PTDSS1: variants seen among roughly 807,000 people sequenced by gnomAD.
The protein encoded by PTDSS1 is phosphatidylserine synthase 1.
In PTDSS1, 45 loss-of-function variants were observed where a neutral mutation model predicts 70.5. The observed-to-expected ratio is 0.64, with a 90% CI of 0.50 to 0.82. The LOEUF is 0.82. Ranked by LOEUF, PTDSS1 falls within the 40% of genes least tolerant of loss-of-function variation. PTDSS1 has a pLI of 0.00. For missense variants in PTDSS1, 417 were observed against 586.1 expected, an observed-to-expected ratio of 0.71 and a Z score of 2.98; for synonymous variants, 188 against 203.8, an observed-to-expected ratio of 0.92 and a Z score of 0.66.
intron 2 of PTDSS1, among the ~76,000 whole-genome samples, chr8:96,277,452 A>G (rs1318957860): frequency 1.3e-5 from 2 of 152,158 alleles, no homozygotes; most frequent in African/African-American, 4.8e-5. Context: ...TGGAGTGTAC[A>G]TGCCCCTTCA....
At chr8:96,324,375 A>T (rs549030473) in intron 10 of PTDSS1, among the ~76,000 whole-genome samples, 8 of 152,278 alleles carry the variant, frequency 5.3e-5, no homozygotes, top group Admixed American at 4.6e-4. Flanking sequence ...ATTTTCAAGT[A>T]TTTGTTATAG....
intron 2 of PTDSS1, among the ~76,000 whole-genome samples, chr8:96,282,686 A>G (rs1233088044): frequency 6.6e-6 from 1 of 152,254 alleles, no homozygotes; most frequent in Non-Finnish European, 1.5e-5. Context: ...AGTAGTTAAA[A>G]TATATTTCAA....
intron 5 of PTDSS1, among the ~76,000 whole-genome samples, chr8:96,298,171 A>C (rs1811001574): frequency 6.6e-6 from 1 of 152,166 alleles, no homozygotes; most frequent in South Asian, 2.1e-4. Context: ...CAAGGGTAGT[A>C]CCAGGCCCCT....
chr8:96,329,926 A>G (rs534259313), intron 10 of PTDSS1, among the ~76,000 whole-genome samples: 1 of 152,224 alleles, frequency 6.6e-6, no homozygotes, highest in African/African-American at 2.4e-5. Context: ...CCGCAAAGCT[A>G]TCAAGAAAAT....
intron 1 of PTDSS1, among the ~76,000 whole-genome samples, chr8:96,269,902 A>G (rs1810540722): frequency 6.6e-6 from 1 of 152,240 alleles, no homozygotes; most frequent in African/African-American, 2.4e-5. Context: ...AGGGCATTCA[A>G]ACGTTGTGAA....
At position 96,333,888 on chromosome 8, in the gene PTDSS1, G is replaced by A. The variant is rs1811557512; in HGVS notation, c.*322G>A. 1 of 614,634 alleles carries A rather than the reference G, an allele frequency of 1.6e-6. No homozygotes were observed. Among genetic ancestry groups the A allele is most frequent in the Non-Finnish European group, 2.9e-6 (1 of 341,758 alleles). The allele number at this position is 614,634 out of a possible 1,614,324, so 38.1% of individuals were successfully genotyped here. On this transcript the variant is annotated 3_prime_UTR_variant, in exon 13 of 13. Coordinates refer to ENST00000517309, the MANE Select transcript of PTDSS1 (RefSeq NM_014754.3). Reference sequence around the variant, plus strand: ...AGTTGCCAAGAGCAGCTCCGCGCCTGCTGGATCGTGGATGCAGCGTAAACA... The same window carrying A: ...AGTTGCCAAGAGCAGCTCCGCGCCTACTGGATCGTGGATGCAGCGTAAACA...
intron 9 of PTDSS1, among the ~76,000 whole-genome samples, chr8:96,311,171 G>C (rs1317358358): frequency 6.6e-6 from 1 of 152,178 alleles, no homozygotes; most frequent in African/African-American, 2.4e-5. Context: ...AATATCTCAA[G>C]TAAGTTGTTT....
At chr8:96,270,134 T>A (rs1163198547) in intron 1 of PTDSS1, among the ~76,000 whole-genome samples, 1 of 152,154 alleles carries the variant, frequency 6.6e-6, no homozygotes, top group Non-Finnish European at 1.5e-5. Flanking sequence ...CTGTATGGTC[T>A]CCTGTAGGGG....
chr8:96,284,182 T>C (rs375359722), intron 3 of PTDSS1, 29 bp downstream of exon 3: 1 of 1,566,500 alleles, frequency 6.4e-7, no homozygotes, highest in African/African-American at 1.4e-5. Context: ...TGTAAAAGGA[T>C]GTTCTATTTT....
At chr8:96,317,047 GTATATATATA>G (rs376416607) in intron 9 of PTDSS1, among the ~76,000 whole-genome samples, 2 of 124,904 alleles carry the variant, frequency 1.6e-5, no homozygotes, top group Non-Finnish European at 3.4e-5. Flanking sequence ...ATATATGTGT[GTATATATATA>G]TGTGTGTGTG....
intron 9 of PTDSS1, among the ~76,000 whole-genome samples, chr8:96,314,582 G>GACA (rs1020727428): frequency 6.6e-6 from 1 of 151,880 alleles, no homozygotes; most frequent in African/African-American, 2.4e-5. Context: ...CACCTCCACT[G>GACA]ACATCTCAGA....
chr8:96,299,989 C>T, intron 6 of PTDSS1, 144 bp downstream of exon 6: 1 of 1,133,744 alleles, frequency 8.8e-7, no homozygotes, highest in South Asian at 1.8e-5. Context: ...TGATTATAAA[C>T]CTGATTTCAA....
rs34282078 is a variant in PTDSS1, at chr8:96,292,289, CAAAAAAAAAAAAA to C, written c.442-2800_442-2788del. Among the ~76,000 whole-genome samples the C allele has an allele frequency of 1.0e-4, 9 of 87,858 alleles. No individual in the cohort carries two copies. The East Asian group carries it at 3.3e-3, about 32-fold the overall frequency. The allele number at this position is 87,858 out of a possible 152,430, so 57.6% of individuals were successfully genotyped here. A position where few individuals can be genotyped will look rare whatever the true frequency, so the allele number is the denominator to read the frequency against. On this transcript the variant is annotated intron_variant, in intron 4 of 12. Transcript: ENST00000517309. ...CGCTCCAGCCTAGGCAACGCTGTCT[CAAAAAAAAAAAAA>C]AAAAAAAAGAAAAGAAACCTTATAT... is the stretch of plus-strand genomic sequence containing the variant.
intron 6 of PTDSS1, among the ~76,000 whole-genome samples, chr8:96,300,439 G>A (rs1811034948): frequency 6.6e-6 from 1 of 152,090 alleles, no homozygotes; most frequent in Non-Finnish European, 1.5e-5. Flanking sequence ...TTTCTTTGCT[G>A]ACTTAGCTCA....
intron 4 of PTDSS1, among the ~76,000 whole-genome samples, chr8:96,289,351 T>C (rs1362633573): frequency 6.6e-6 from 1 of 152,164 alleles, no homozygotes; most frequent in Admixed American, 6.5e-5. Flanking sequence ...CCCAGGAACT[T>C]ACCAAGTCAC....
intron 2 of PTDSS1, among the ~76,000 whole-genome samples, chr8:96,277,703 G>A (rs1332147243): frequency 6.6e-6 from 1 of 152,190 alleles, no homozygotes; most frequent in Admixed American, 6.5e-5. Context: ...AAAGTGGATT[G>A]TGTCCATTTG....
chr8:96,307,767 A>G (rs1811146773), intron 8 of PTDSS1, among the ~76,000 whole-genome samples: 1 of 152,232 alleles, frequency 6.6e-6, no homozygotes, highest in South Asian at 2.1e-4. Flanking sequence ...AAGAGCAATC[A>G]ATAAAGTCAG....
In PTDSS1 at chr8:96,269,245, G is replaced by T. The variant is rs142096370; in HGVS notation, c.180-4054G>T. On this transcript the variant is annotated intron_variant, in intron 1 of 12. Coordinates refer to ENST00000517309, the MANE Select transcript of PTDSS1 (RefSeq NM_014754.3). The stretch of plus-strand genomic sequence containing the variant: ...ACCTACTTCCACTCTGCCTCTATTT[G>T]TGTGTGACTGTGGGCAAGATAAACC... Among the ~76,000 whole-genome samples the T allele has an allele frequency of 3.7e-3, 556 of 152,210 alleles. 2 individuals carry two copies. The highest frequency in any genetic ancestry group is 0.013 in the African/African-American group (529 of 41,524).
At position 96,284,051 on chromosome 8, in the gene PTDSS1, A is replaced by G. The variant is rs576213005; in HGVS notation, c.272-58A>G. On this transcript the variant is annotated intron_variant, in intron 2 of 12. Transcript: ENST00000517309. The stretch of plus-strand genomic sequence containing the variant: ...CTGTATGGAGATCAGCAGCACCTTA[A>G]GTTTTAGCCTTCTCTGAAACCAGTT... 6.0e-5 allele frequency: 84 copies of G among 1,403,722 alleles called. No homozygotes were observed. In the African/African-American group the frequency reaches 8.8e-4, roughly 15 times the overall value. The allele number at this position is 1,403,722 out of a possible 1,614,324, so 87.0% of individuals were successfully genotyped here.
Sources: gnomAD v4.1 joint callset for allele counts (sites outside exome capture counted in the v4.1 genomes callset) on GRCh38, gnomAD v4.1.1 for gene constraint, MANE v1.5 for transcripts, NCBI Gene and HGNC (gene_info 2026-07-23, HGNC 2026-07-21) for gene names.